Variants in INPP4B observed in about 807,000 individuals in gnomAD.
INPP4B encodes inositol polyphosphate-4-phosphatase type II B, also known as inositol polyphosphate 4-phosphatase type II.
A neutral mutation model predicts 122.5 loss-of-function variants in INPP4B; 55 were observed. That is an observed-to-expected ratio of 0.45 (90% CI 0.36 to 0.56). The LOEUF (loss-of-function observed/expected upper bound fraction) is 0.56. Ranked by LOEUF, INPP4B falls within the 20% of genes least tolerant of loss-of-function variation. The probability of loss-of-function intolerance (pLI) is 0.00; values close to 1 mark genes in which losing one functional copy is unlikely to be tolerated. For missense variants in INPP4B, 1,000 were observed against 1,097.7 expected (o/e 0.91, Z 1.26); for synonymous variants, 403 against 388.7 (o/e 1.04, Z -0.43).
chr4:142,145,766 T>C, intron 18 of INPP4B, 74 bp downstream of exon 18: 2 of 1,440,184 alleles, frequency 1.4e-6, no homozygotes, highest in Non-Finnish European at 1.9e-6. Flanking sequence ...CCTCTTCTTC[T>C]ATATCATTTT....
At chr4:142,671,657 C>T (rs754625524) in intron 2 of INPP4B, among the ~76,000 whole-genome samples, 4 of 152,090 alleles carry the variant, frequency 2.6e-5, no homozygotes, top group Non-Finnish European at 4.4e-5. Context: ...TTGTGCATAT[C>T]GCCCTCATAG....
In INPP4B at chr4:142,060,894, T is replaced by C. The variant is rs530868999; in HGVS notation, c.2642+21137A>G. The stretch of plus-strand genomic sequence containing the variant: ...GCCTTATTTTACTCTGTGTTCTTCA[T>C]ATTAAATTTAGAACATGGTATTTGA... On this transcript the variant is annotated intron_variant, in intron 25 of 25. Coordinates refer to ENST00000262992, the MANE Select transcript of INPP4B (RefSeq NM_001101669.3). 3.8e-4 allele frequency among the ~76,000 whole-genome samples: 58 copies of C among 152,324 alleles called. 2 individuals are homozygous for C. The South Asian group carries it at 9.5e-3, about 25-fold the overall frequency.
intron 14 of INPP4B, among the ~76,000 whole-genome samples, chr4:142,199,213 T>C (rs1351808606): frequency 6.6e-6 from 1 of 151,970 alleles, no homozygotes; most frequent in Admixed American, 6.6e-5. Context: ...AAAATAAATA[T>C]ATAAATATTT....
At position 142,215,111 on chromosome 4, in the gene INPP4B, G is replaced by A. The variant is rs1408975640; in HGVS notation, c.837-6085C>T. 2.6e-5 allele frequency among the ~76,000 whole-genome samples: 4 copies of A among 152,114 alleles called. No individual in the cohort carries two copies. The East Asian group carries it at 7.7e-4, about 29-fold the overall frequency. ...TATAAGATTCATAAACTCCCAGGAT[G>A]CTACGGTTGGAAGGAAGCTCAGAGA... On this transcript the variant is annotated intron_variant, in intron 12 of 25. Transcript: ENST00000262992.
intron 7 of INPP4B, among the ~76,000 whole-genome samples, chr4:142,338,402 AT>A (rs199515377): frequency 6.0e-5 from 9 of 151,056 alleles, no homozygotes; most frequent in South Asian, 2.1e-4. Context: ...CACTTAGCTA[AT>A]TTTTTTTTGT....
rs534225487 is a variant in INPP4B at position 142,667,537 on chromosome 4, G to C, written c.-191+58302C>G. On this transcript the variant is annotated intron_variant, in intron 2 of 25. Coordinates refer to ENST00000262992, the MANE Select transcript of INPP4B (RefSeq NM_001101669.3). ...GTCCTATCTTAGCTGCTTACAAATT[G>C]CATAGAAAAATGAGTCATTTAACTT... Among the ~76,000 whole-genome samples, 7 of 152,254 alleles carry C rather than the reference G, an allele frequency of 4.6e-5. No individual in the cohort carries two copies. In the South Asian group the frequency reaches 1.5e-3, roughly 32 times the overall value.
intron 2 of INPP4B, among the ~76,000 whole-genome samples, chr4:142,632,953 G>A (rs1748304766): frequency 1.3e-5 from 2 of 151,492 alleles, no homozygotes; most frequent in South Asian, 4.2e-4. Flanking sequence ...ACATAAACAG[G>A]TTGGATCTTA....
chr4:142,188,966 T>A (rs1834498929), intron 15 of INPP4B, among the ~76,000 whole-genome samples: 1 of 152,222 alleles, frequency 6.6e-6, no homozygotes, highest in African/African-American at 2.4e-5. Context: ...CCTCTAGTTC[T>A]CCCATTCCTG....
chr4:142,501,638 T>A (rs906632603), intron 2 of INPP4B, among the ~76,000 whole-genome samples: 4 of 152,006 alleles, frequency 2.6e-5, no homozygotes, highest in Non-Finnish European at 4.4e-5. Context: ...AAAAAAGAAC[T>A]AATGAAGGCA....
chr4:142,839,599 T>C (rs112154728), intron 1 of INPP4B, among the ~76,000 whole-genome samples: 10 of 152,358 alleles, frequency 6.6e-5, no homozygotes, highest in African/African-American at 2.4e-4. Context: ...TTCCTTTGTA[T>C]GATAAAAATA....
At chr4:142,796,016 A>C (rs953494561) in intron 1 of INPP4B, among the ~76,000 whole-genome samples, 1 of 151,970 alleles carries the variant, frequency 6.6e-6, no homozygotes, top group Non-Finnish European at 1.5e-5. Context: ...TTCCACGTTC[A>C]TTGCATTTTA....
chr4:142,255,224 C>T (rs1735113468), intron 11 of INPP4B, among the ~76,000 whole-genome samples: 1 of 151,972 alleles, frequency 6.6e-6, no homozygotes, highest in African/African-American at 2.4e-5. Flanking sequence ...TGGAAAGGAA[C>T]AACCGGTACC....
At chr4:142,260,989 C>T (rs1400988180) in intron 10 of INPP4B, among the ~76,000 whole-genome samples, 3 of 152,128 alleles carry the variant, frequency 2.0e-5, no homozygotes, top group Non-Finnish European at 2.9e-5. Flanking sequence ...AATATGTTGA[C>T]GCCACTAGTT....
chr4:142,834,045 A>G (rs898507304), intron 1 of INPP4B, among the ~76,000 whole-genome samples: 4 of 152,158 alleles, frequency 2.6e-5, no homozygotes, highest in Non-Finnish European at 5.9e-5. Context: ...TAGTATTCAT[A>G]TTATCAAATT....
chr4:142,297,488 G>C (rs1759260058), intron 9 of INPP4B, among the ~76,000 whole-genome samples: 1 of 152,174 alleles, frequency 6.6e-6, no homozygotes, highest in Non-Finnish European at 1.5e-5. Context: ...GATAATGAGT[G>C]AGTTCTTGCA....
intron 1 of INPP4B, among the ~76,000 whole-genome samples, chr4:142,733,463 A>C (rs1202661891): frequency 2.6e-5 from 4 of 152,204 alleles, no homozygotes; most frequent in Non-Finnish European, 5.9e-5. Context: ...AAAATTGGGC[A>C]AAAGTCATAA....
intron 5 of INPP4B, 30 bp from the exon 6 acceptor site, chr4:142,405,354 A>C: frequency 1.5e-6 from 2 of 1,290,914 alleles, no homozygotes; most frequent in Non-Finnish European, 2.3e-6. Flanking sequence ...CAGAAAGAAA[A>C]GAAACTAACA....
At chr4:142,154,004 T>C (rs912449644) in intron 17 of INPP4B, among the ~76,000 whole-genome samples, 3 of 152,158 alleles carry the variant, frequency 2.0e-5, no homozygotes, top group African/African-American at 4.8e-5. Flanking sequence ...TCTTGGGTGA[T>C]ATAGACTGGA....
chr4:142,610,584 A>C (rs1043143522), intron 2 of INPP4B, among the ~76,000 whole-genome samples: 1 of 152,220 alleles, frequency 6.6e-6, no homozygotes, highest in Admixed American at 6.6e-5. Flanking sequence ...AAAAAAATTT[A>C]GACAGAGTGT....
Sources: gnomAD v4.1 joint callset for allele counts (sites outside exome capture counted in the v4.1 genomes callset) on GRCh38, gnomAD v4.1.1 for gene constraint, MANE v1.5 for transcripts, NCBI Gene and HGNC (gene_info 2026-07-23, HGNC 2026-07-21) for gene names.